EDIL3: variants seen among roughly 807,000 people sequenced by gnomAD.
EDIL3 encodes the protein EGF like and discoidin domains 3.
Under a neutral mutation model 67.4 loss-of-function variants are expected in EDIL3, and 37 were observed. The ratio of observed to expected loss-of-function variants is 0.55; its 90% CI spans 0.42 to 0.72. EDIL3 has a LOEUF of 0.72. EDIL3 is among the 30% of genes least tolerant of loss of function. EDIL3 has a pLI of 0.00. For missense variants in EDIL3, 527 were observed against 586.3 expected (o/e 0.90, Z 1.04); for synonymous variants, 195 against 196.3 (o/e 0.99, Z 0.05).
intron 9 of EDIL3, among the ~76,000 whole-genome samples, chr5:84,050,388 G>A (rs144809142): frequency 0.012 from 1,773 of 152,238 alleles, 47 homozygotes; most frequent in African/African-American, 0.04. Context: ...CAGTGTGAGC[G>A]ACACAGAAGA....
intron 1 of EDIL3, among the ~76,000 whole-genome samples, chr5:84,260,732 T>G (rs1745210122): frequency 6.6e-6 from 1 of 152,184 alleles, no homozygotes; most frequent in African/African-American, 2.4e-5. Context: ...TCTCTGCTCT[T>G]TTCAAAGTGC....
chr5:84,211,900 G>A (rs1235886375), intron 3 of EDIL3, among the ~76,000 whole-genome samples: 1 of 152,192 alleles, frequency 6.6e-6, no homozygotes, highest in Admixed American at 6.5e-5. Context: ...ATCAGGAAAT[G>A]TGACTGACAT....
At chr5:84,304,146 T>C (rs1418665250) in intron 1 of EDIL3, among the ~76,000 whole-genome samples, 2 of 152,166 alleles carry the variant, frequency 1.3e-5, no homozygotes, top group Admixed American at 6.6e-5. Flanking sequence ...CAGAAGTAGA[T>C]GGTATAGTAA....
intron 1 of EDIL3, among the ~76,000 whole-genome samples, chr5:84,348,092 A>T (rs1747270130): frequency 6.6e-6 from 1 of 152,232 alleles, no homozygotes; most frequent in African/African-American, 2.4e-5. Context: ...AAACACAGTC[A>T]GTAAACAGAG....
intron 9 of EDIL3, among the ~76,000 whole-genome samples, chr5:83,970,256 T>TTATATATATATA (rs60143474): frequency 0.016 from 2,046 of 128,160 alleles, 46 homozygotes; most frequent in African/African-American, 0.045. Context: ...GTGTCACTAA[T>TTATATATATATA]TATATATATA....
At position 83,997,360 on chromosome 5, in the gene EDIL3, A is replaced by G. The variant is rs934390899; in HGVS notation, c.1138-34000T>C. Among the ~76,000 whole-genome samples the G allele has an allele frequency of 1.4e-4, 21 of 152,320 alleles. No homozygotes were observed. The South Asian group carries it at 3.9e-3, about 29-fold the overall frequency. On this transcript the variant is annotated intron_variant, in intron 9 of 10. Transcript: ENST00000296591. ...CAATGAGGATGGAAAGAAATGCACA[A>G]ATTGAAGAAATAGTAACATTAAAAA...
chr5:84,141,975 C>G (rs189129027), intron 4 of EDIL3, among the ~76,000 whole-genome samples: 2 of 138,248 alleles, frequency 1.4e-5, no homozygotes, highest in Non-Finnish European at 3.2e-5. Context: ...ATCTATCTAT[C>G]TATCTATCTA....
intron 10 of EDIL3, among the ~76,000 whole-genome samples, chr5:83,955,618 CAT>C (rs1432207891): frequency 3.3e-5 from 5 of 151,690 alleles, no homozygotes; most frequent in African/African-American, 7.2e-5. Flanking sequence ...AACGATGTTT[CAT>C]AGCATCTGTA....
intron 9 of EDIL3, among the ~76,000 whole-genome samples, chr5:84,047,075 T>C (rs1179033673): frequency 1.3e-5 from 2 of 152,304 alleles, no homozygotes; most frequent in East Asian, 3.9e-4. Context: ...AATATACTTA[T>C]TTTAATTCAA....
At chr5:84,108,998 T>C (rs1186127025) in intron 5 of EDIL3, among the ~76,000 whole-genome samples, 1 of 151,378 alleles carries the variant, frequency 6.6e-6, no homozygotes, top group African/African-American at 2.4e-5. Context: ...AGATCTCAAA[T>C]CACAATATCC....
chr5:84,252,217 C>A (rs1745036647), intron 2 of EDIL3, among the ~76,000 whole-genome samples: 1 of 152,002 alleles, frequency 6.6e-6, no homozygotes, highest in African/African-American at 2.4e-5. Flanking sequence ...GCTGGCCGGG[C>A]GCGGTCGCTC....
chr5:84,231,608 T>C (rs1744579803), intron 2 of EDIL3, among the ~76,000 whole-genome samples: 4 of 152,228 alleles, frequency 2.6e-5, no homozygotes, highest in African/African-American at 9.6e-5. Flanking sequence ...AAGCTGACTT[T>C]GTGTCCTGAC....
At chr5:84,201,736 A>G (rs1473345708) in intron 3 of EDIL3, among the ~76,000 whole-genome samples, 1 of 152,186 alleles carries the variant, frequency 6.6e-6, no homozygotes, top group Non-Finnish European at 1.5e-5. Context: ...CCCAGAAGTT[A>G]AAGAATGGTT....
chr5:84,091,971 A>G (rs1004804832), intron 6 of EDIL3, among the ~76,000 whole-genome samples: 33 of 152,212 alleles, frequency 2.2e-4, no homozygotes, highest in African/African-American at 6.8e-4. Context: ...ATTTACCAAC[A>G]TAGGAGAAGA....
At chr5:84,285,358 G>A (rs1745788953) in intron 1 of EDIL3, among the ~76,000 whole-genome samples, 1 of 152,170 alleles carries the variant, frequency 6.6e-6, no homozygotes, top group East Asian at 1.9e-4. Flanking sequence ...GCCTTCAAAT[G>A]CTACTTTGCC....
At chr5:84,353,140 C>G (rs1031423488) in intron 1 of EDIL3, among the ~76,000 whole-genome samples, 5 of 152,002 alleles carry the variant, frequency 3.3e-5, no homozygotes, top group Non-Finnish European at 7.4e-5. Flanking sequence ...TTATAAGCAC[C>G]AACCAATGTG....
At chr5:84,352,824 ATG>A (rs1747389599) in intron 1 of EDIL3, among the ~76,000 whole-genome samples, 1 of 152,194 alleles carries the variant, frequency 6.6e-6, no homozygotes, top group Non-Finnish European at 1.5e-5. Flanking sequence ...AAGAAATATG[ATG>A]TGATACAATG....
chr5:84,182,270 TACAC>T (rs71607704), intron 3 of EDIL3, among the ~76,000 whole-genome samples: 3,477 of 141,914 alleles, frequency 0.025, 58 homozygotes, highest in East Asian at 0.054. Flanking sequence ...CTACAAAAAA[TACAC>T]ACACACACAC....
chr5:83,984,809 A>T (rs1745030718), intron 9 of EDIL3, among the ~76,000 whole-genome samples: 1 of 151,994 alleles, frequency 6.6e-6, no homozygotes, highest in Non-Finnish European at 1.5e-5. Context: ...AATACAATCC[A>T]TTCACACTCA....
Sources: allele counts gnomAD v4.1 joint callset (sites outside exome capture counted in the v4.1 genomes callset), GRCh38; gene constraint gnomAD v4.1.1; transcripts MANE v1.5; gene names NCBI Gene and HGNC (gene_info 2026-07-23, HGNC 2026-07-21).